Variants in GNE observed in about 807,000 individuals in gnomAD.
GNE encodes the protein bifunctional UDP-N-acetylglucosamine 2-epimerase/N-acetylmannosamine kinase.
GNE carries 41 observed loss-of-function variants against 61.8 expected under a neutral mutation model. The observed-to-expected ratio is 0.66, with a 90% CI of 0.52 to 0.86. GNE has a LOEUF of 0.86. Ranked by LOEUF, GNE falls within the 40% of genes least tolerant of loss-of-function variation. The probability of loss-of-function intolerance (pLI) is 0.00; values close to 1 mark genes in which losing one functional copy is unlikely to be tolerated. For missense variants in GNE, 608 were observed against 909.1 expected (o/e 0.67, Z 4.26); for synonymous variants, 264 against 326.4 (o/e 0.81, Z 2.06).
chr9:36,256,417 G>GT (rs1298530448), intron 1 of GNE, among the ~76,000 whole-genome samples: 3 of 150,732 alleles, frequency 2.0e-5, no homozygotes, highest in African/African-American at 7.3e-5. Context: ...GCTAATTTTT[G>GT]TATTTTTAGT....
upstream of GNE, chr9:36,258,491 C>CA: frequency 1.0e-6 from 1 of 985,564 alleles, no homozygotes; most frequent in Non-Finnish European, 1.2e-6. Context: ...CTCGCCCAGC[C>CA]ACGCCCACCC....
chr9:36,228,051 A>ACAAC (rs1554659884), intron 6 of GNE, among the ~76,000 whole-genome samples: 1 of 149,400 alleles, frequency 6.7e-6, no homozygotes, highest in African/African-American at 2.5e-5. Flanking sequence ...AAAAAAAAAA[A>ACAAC]CAACCAACAA....
intron 1 of GNE, among the ~76,000 whole-genome samples, chr9:36,251,762 C>T (rs539502759): frequency 6.6e-6 from 1 of 152,072 alleles, no homozygotes; most frequent in South Asian, 2.1e-4. Flanking sequence ...AGGGTAAACT[C>T]TGAAATTCAC....
rs1217360153 is a variant in GNE, at chr9:36,228,028, G to A, written c.1071-570C>T. 1.7e-4 allele frequency among the ~76,000 whole-genome samples: 19 copies of A among 113,572 alleles called. No homozygotes were observed. In the South Asian group the frequency reaches 2.3e-3, roughly 14 times the overall value. The allele number at this position is 113,572 out of a possible 152,430, so 74.5% of individuals were successfully genotyped here. A position where few individuals can be genotyped will look rare whatever the true frequency, so the allele number is the denominator to read the frequency against. On this transcript the variant is annotated intron_variant, in intron 6 of 11. Coordinates refer to ENST00000642385, the MANE Select transcript of GNE (RefSeq NM_005476.7). The stretch of plus-strand genomic sequence containing the variant: ...AGCCTGGATGACAGAGCAAGACTCC[G>A]TCTCAAAAAAAAAAAAAAAAAAACA...
Position 36,218,434 on chromosome 9 carries a change from C to T in GNE, c.1817-135G>A, listed in dbSNP as rs1828431001. On this transcript the variant is annotated intron_variant, in intron 10 of 11. Coordinates refer to ENST00000642385, the MANE Select transcript of GNE (RefSeq NM_005476.7). This position sits in a 1 kb window ranked among gnomAD's most constrained non-coding sequence, Gnocchi z 4.1. The stretch of plus-strand genomic sequence containing the variant: ...TCACAATTGCAAAGCTTATCGTTCA[C>T]AAACATCTCTATACACTGCCCCTAA... 3 of 714,474 alleles carry T rather than the reference C, an allele frequency of 4.2e-6. No homozygotes were observed. Among genetic ancestry groups the T allele is most frequent in the Non-Finnish European group, 7.6e-6 (3 of 394,706 alleles). 44.3% of individuals were successfully genotyped at this position (714,474 alleles called of 1,614,324 possible). A position where few individuals can be genotyped will look rare whatever the true frequency, so the allele number is the denominator to read the frequency against.
At chr9:36,269,375 G>T (rs998481301) in intron 1 of GNE, among the ~76,000 whole-genome samples, 2 of 150,994 alleles carry the variant, frequency 1.3e-5, no homozygotes, top group African/African-American at 2.4e-5. Flanking sequence ...TCACTTCCAT[G>T]TAGGTAATTC....
rs1332109004 is a variant in GNE, at chr9:36,216,580, C to T, written c.*785G>A. ...GAACTCCTGACCTCAGGTGATCCGC[C>T]CATCTCGGCCTCCCAAAATGTTGGG... On this transcript the variant is annotated 3_prime_UTR_variant, in exon 12 of 12. Coordinates refer to ENST00000642385, the MANE Select transcript of GNE (RefSeq NM_005476.7). 6.4e-6 allele frequency: 1 copy of T among 156,178 alleles called. No homozygotes were observed. Among genetic ancestry groups the T allele is most frequent in the African/African-American group, 2.4e-5 (1 of 41,342 alleles). The allele number at this position is 156,178 out of a possible 1,614,324, so 9.7% of individuals were successfully genotyped here.
rs775356793 is a variant in GNE, at chr9:36,246,341, C to T, written c.306G>A (p.Leu102=). The T allele has an allele frequency of 1.9e-6, 3 of 1,614,182 alleles. No individual in the cohort carries two copies. Among genetic ancestry groups the T allele is most frequent in the Non-Finnish European group, 2.5e-6 (3 of 1,180,000 alleles). ...CATGAACAATCATGATATCAGGCTT[C>T]AGGCGATTAAGGACATCTGGCAGCT... ...LVKLPDVLNR[L]KPDIMIVHGD... is the part of the protein sequence containing the mutation. Residue 102 remains leucine (L), a synonymous_variant, in exon 3 of 12, where the codon CTG becomes CTA. Coordinates refer to ENST00000642385, the MANE Select transcript of GNE (RefSeq NM_005476.7).
chr9:36,232,340 C>A (rs58070217), intron 5 of GNE, among the ~76,000 whole-genome samples: 1,676 of 107,642 alleles, frequency 0.016, 41 homozygotes, highest in African/African-American at 0.064. Flanking sequence ...CCCCCCGCCC[C>A]CCCTCCCGAC....
intron 6 of GNE, among the ~76,000 whole-genome samples, 155 bp from the exon 7 acceptor site, chr9:36,227,613 C>T (rs913786345): frequency 2.0e-5 from 3 of 152,224 alleles, no homozygotes; most frequent in African/African-American, 7.2e-5. Context: ...GTGGCTCACA[C>T]CTGTAATCCC....
chr9:36,275,347 G>A (rs1255641760), intron 1 of GNE, among the ~76,000 whole-genome samples: 1 of 152,164 alleles, frequency 6.6e-6, no homozygotes, highest in Non-Finnish European at 1.5e-5. Flanking sequence ...TCCTGGAAGA[G>A]AGAACATGAT....
chr9:36,268,121 AGAGT>A (rs912187389), intron 1 of GNE, among the ~76,000 whole-genome samples: 3 of 152,114 alleles, frequency 2.0e-5, no homozygotes, highest in African/African-American at 7.2e-5. Flanking sequence ...CCTGGGCAAC[AGAGT>A]GAGACCCCAT....
At chr9:36,266,832 C>G (rs1243663203) in intron 1 of GNE, among the ~76,000 whole-genome samples, 2 of 152,136 alleles carry the variant, frequency 1.3e-5, no homozygotes, top group Non-Finnish European at 2.9e-5. Flanking sequence ...TGGGGTGAAC[C>G]CGGGAGGCGG....
chr9:36,259,951 C>A (rs1007605113), upstream of GNE, among the ~76,000 whole-genome samples: 1 of 152,182 alleles, frequency 6.6e-6, no homozygotes, highest in Non-Finnish European at 1.5e-5. Flanking sequence ...CATGAGCCAC[C>A]ACACCAGGCC....
intron 10 of GNE, among the ~76,000 whole-genome samples, chr9:36,219,195 C>G (rs1401032025): frequency 2.0e-5 from 3 of 152,100 alleles, no homozygotes. Context: ...ATACTTCTTA[C>G]CTCTCTCATA....
In GNE at chr9:36,246,203, A is replaced by G; in HGVS notation, c.444T>C (p.His148=). ...GATAATGAGCCAGTTTTGTTATGGC[A>G]TGTCTGATAGAGTCATCAATGGTCC... ...VSGTIDDSIR[H]AITKLAHYHV... Residue 148 remains histidine (H), a synonymous_variant, in exon 3 of 12, where the codon CAT becomes CAC. Transcript: ENST00000642385. The G allele has an allele frequency of 2.5e-6, 4 of 1,614,238 alleles. No homozygotes were observed. Among genetic ancestry groups the G allele is most frequent in the Non-Finnish European group, 2.5e-6 (3 of 1,180,040 alleles).
At position 36,223,269 on chromosome 9, in the gene GNE, A is replaced by G. The variant is rs187267205; in HGVS notation, c.1411+104T>C. ...CCACAGACAGCACCTAGAGCCATCT[A>G]TGCACAGGGCAGACACTGACTTGAT... On this transcript the variant is annotated intron_variant, in intron 8 of 11. Transcript: ENST00000642385. 7.3e-5 allele frequency: 81 copies of G among 1,108,262 alleles called. No homozygotes were observed. The Admixed American group carries it at 9.9e-4, about 14-fold the overall frequency. The allele number at this position is 1,108,262 out of a possible 1,614,324, so 68.7% of individuals were successfully genotyped here.
At chr9:36,246,804 G>T (rs1829900286) in intron 2 of GNE, among the ~76,000 whole-genome samples, 1 of 151,648 alleles carries the variant, frequency 6.6e-6, no homozygotes, top group African/African-American at 2.4e-5. Context: ...GCGTAGCTGG[G>T]ATTACAGGCA....
chr9:36,273,654 G>A (rs1470697941), intron 1 of GNE, among the ~76,000 whole-genome samples: 1 of 144,120 alleles, frequency 6.9e-6, no homozygotes, highest in African/African-American at 2.7e-5. Context: ...TGGCCAATTT[G>A]GAACTCTTTT....
Sources: allele counts gnomAD v4.1 joint callset (sites outside exome capture counted in the v4.1 genomes callset), GRCh38; gene constraint gnomAD v4.1.1; non-coding constraint Gnocchi (gnomAD v3.1); transcripts MANE v1.5; gene names NCBI Gene and HGNC (gene_info 2026-07-23, HGNC 2026-07-21).